TMEM109: variants seen among roughly 807,000 people sequenced by gnomAD.
TMEM109 encodes voltage-gated monoatomic cation channel TMEM109.
Under a neutral mutation model 26.4 loss-of-function variants are expected in TMEM109, and 19 were observed. That is an observed-to-expected ratio of 0.72 (90% confidence interval 0.50 to 1.06). The LOEUF is 1.06. Among genes scored for constraint, TMEM109 ranks in the 50% least tolerant of loss-of-function variants. TMEM109 has a pLI of 0.00. For missense variants in TMEM109, 262 were observed against 303.4 expected, an observed-to-expected ratio of 0.86 and a Z score of 1.01; for synonymous variants, 129 against 142.0, an observed-to-expected ratio of 0.91 and a Z score of 0.65.
chr11:60,920,567 C>T (rs377494120), intron 2 of TMEM109, among the ~76,000 whole-genome samples: 34 of 152,294 alleles, frequency 2.2e-4, no homozygotes, highest in African/African-American at 7.5e-4. Flanking sequence ...TGATTGTCTC[C>T]GTCATTCACA....
At chr11:60,920,835 C>T (rs763710116) in intron 2 of TMEM109, 51 bp from the exon 3 acceptor site, 29 of 1,481,718 alleles carry the variant, frequency 2.0e-5, no homozygotes, top group Admixed American at 6.7e-5. Context: ...GGCGTGAAGG[C>T]GAGGACCGTT....
At position 60,922,045 on chromosome 11, in the gene TMEM109, C is replaced by A; in HGVS notation, c.612C>A (p.Gly204=). The part of the protein sequence containing the change: ...ILYALLSRLT[G]SRASGAQLEA... ...ACGCCCTGCTGAGCCGGCTCACTGG[C>A]TCCCGAGCCTCTGGGGCCCAACTCG... The change falls in exon 4 of 4, where the codon GGC becomes GGA. Residue 204 remains glycine (G), a synonymous_variant. Transcript: ENST00000227525. The A allele has an allele frequency of 6.2e-7, 1 of 1,611,826 alleles. No individual in the cohort carries two copies. The highest frequency in any genetic ancestry group is 8.5e-7 in the Non-Finnish European group (1 of 1,179,868).
At position 60,922,242 on chromosome 11, in the gene TMEM109, C is replaced by T. The variant is rs1440821113; in HGVS notation, c.*77C>T. 5 of 1,548,902 alleles carry T rather than the reference C, an allele frequency of 3.2e-6. No individual in the cohort carries two copies. Among genetic ancestry groups the T allele is most frequent in the Non-Finnish European group, 4.4e-6 (5 of 1,146,954 alleles). ...GGGGCCATGCAGCCCTCCTGCCAGCCCCCTGCCCTTTTCTTGCCCTGTCTC... is the reference window on the plus strand; with the variant it reads ...GGGGCCATGCAGCCCTCCTGCCAGCTCCCTGCCCTTTTCTTGCCCTGTCTC... On this transcript the variant is annotated 3_prime_UTR_variant, in exon 4 of 4. Transcript: ENST00000227525.
Position 60,922,543 on chromosome 11 carries a change from C to A in TMEM109, c.*378C>A. On this transcript the variant is annotated 3_prime_UTR_variant, in exon 4 of 4. Transcript: ENST00000227525. ...CTGCTGCCTTGGCTTCCTCCTAATG[C>A]TCGTGCTCTCCTGTCCTTCTGAAGT... The A allele has an allele frequency of 2.3e-6, 1 of 441,488 alleles. No homozygotes were observed. The highest frequency in any genetic ancestry group is 4.1e-6 in the Non-Finnish European group (1 of 246,040). 27.3% of individuals were successfully genotyped at this position (441,488 alleles called of 1,614,324 possible). A position where few individuals can be genotyped will look rare whatever the true frequency, so the allele number is the denominator to read the frequency against.
chr11:60,918,141 G>A (rs767506047), intron 1 of TMEM109, among the ~76,000 whole-genome samples: 2 of 152,202 alleles, frequency 1.3e-5, no homozygotes, highest in Non-Finnish European at 2.9e-5. Flanking sequence ...TACCCGATGG[G>A]CTGTTGTGAC....
intron 1 of TMEM109, among the ~76,000 whole-genome samples, chr11:60,914,785 C>T (rs1856155043): frequency 6.6e-6 from 1 of 152,392 alleles, no homozygotes; most frequent in East Asian, 1.9e-4. Context: ...GGAAGCTGCC[C>T]CTTTGCCGTC....
chr11:60,917,177 G>T (rs1391813301), intron 1 of TMEM109, among the ~76,000 whole-genome samples: 1 of 152,160 alleles, frequency 6.6e-6, no homozygotes, highest in Non-Finnish European at 1.5e-5. Flanking sequence ...AGTATTTTTA[G>T]AACCCTTTCC....
Position 60,919,706 on chromosome 11 carries a change from A to G in TMEM109, c.13A>G (p.Ser5Gly). Reference protein sequence around the residue: MAASSISSPWGKHVF... With the variant: MAASGISSPWGKHVF... Reference sequence around the variant, plus strand: ...GGCAGACCCAGTCATGGCAGCCTCCAGCATCAGTTCACCATGGGGAAAGCA... The same window carrying G: ...GGCAGACCCAGTCATGGCAGCCTCCGGCATCAGTTCACCATGGGGAAAGCA... The change falls in exon 2 of 4, where the codon AGC becomes GGC. Residue 5 changes from serine (S) to glycine (G), a missense_variant. Physicochemically the swap from Ser to Gly is moderately conservative, Grantham distance 56. Transcript: ENST00000227525. 1.2e-6 allele frequency: 2 copies of G among 1,614,220 alleles called. No individual in the cohort carries two copies. The highest frequency in any genetic ancestry group is 1.7e-6 in the Non-Finnish European group (2 of 1,180,038).
chr11:60,921,968 G>T lies in TMEM109; in HGVS notation c.535G>T (p.Val179Leu). 6.2e-7 allele frequency: 1 copy of T among 1,613,884 alleles called. No individual in the cohort carries two copies. Among genetic ancestry groups the T allele is most frequent in the Non-Finnish European group, 8.5e-7 (1 of 1,179,990 alleles). Residue 179 changes from valine to leucine, a missense_variant, in exon 4 of 4, where the codon GTG becomes TTG. Physicochemically the swap from Val to Leu is conservative, Grantham distance 32. Coordinates refer to ENST00000227525, the MANE Select transcript of TMEM109 (RefSeq NM_024092.3). Reference protein sequence around the residue: ...LAGFVALMRSVPDPSTRALLL... With the variant: ...LAGFVALMRSLPDPSTRALLL... ...CGGCTTCGTGGCCCTGATGAGGTCG[G>T]TGCCTGACCCTTCCACCCGGGCCCT...
At chr11:60,916,474 A>G (rs1414243697) in intron 1 of TMEM109, among the ~76,000 whole-genome samples, 2 of 152,194 alleles carry the variant, frequency 1.3e-5, no homozygotes, top group Non-Finnish European at 2.9e-5. Context: ...GACTGTTTCC[A>G]TGCCTTTAGT....
chr11:60,918,789 G>C (rs567595543), intron 1 of TMEM109: 6 of 152,262 alleles, frequency 3.9e-5, no homozygotes, highest in African/African-American at 1.4e-4. Flanking sequence ...ACCTCCATTG[G>C]GGGTGGGGAG....
intron 1 of TMEM109, among the ~76,000 whole-genome samples, chr11:60,918,218 C>A (rs1370840594): frequency 6.6e-6 from 1 of 152,156 alleles, no homozygotes; most frequent in African/African-American, 2.4e-5. Context: ...AATAGTATTT[C>A]TTTAAAGGTT....
Position 60,922,001 on chromosome 11 carries a change from C to T in TMEM109, c.568C>T (p.Leu190=). 6.2e-7 allele frequency: 1 copy of T among 1,613,318 alleles called. No homozygotes were observed. The highest frequency in any genetic ancestry group is 1.1e-5 in the South Asian group (1 of 91,088). Residue 190 remains leucine (L), a synonymous_variant, in exon 4 of 4, where the codon CTG becomes TTG. Coordinates refer to ENST00000227525, the MANE Select transcript of TMEM109 (RefSeq NM_024092.3). ...PDPSTRALLL[L]ALLILYALLS... is the part of the protein sequence containing the mutation. ...CCCTTCCACCCGGGCCCTGCTACTCCTGGCCTTGCTGATCCTCTACGCCCT... is the reference window on the plus strand; with the variant it reads ...CCCTTCCACCCGGGCCCTGCTACTCTTGGCCTTGCTGATCCTCTACGCCCT...
rs774717321 is a variant in TMEM109 at position 60,919,745 on chromosome 11, A to T, written c.52A>T (p.Ile18Phe). The T allele has an allele frequency of 6.2e-7, 1 of 1,614,202 alleles. No homozygotes were observed. Among genetic ancestry groups the T allele is most frequent in the Non-Finnish European group, 8.5e-7 (1 of 1,180,042 alleles). Reference sequence around the variant, plus strand: ...ATGGGGAAAGCATGTGTTCAAAGCCATTCTGATGGTCCTAGTGGCCCTTAT... The same window carrying T: ...ATGGGGAAAGCATGTGTTCAAAGCCTTTCTGATGGTCCTAGTGGCCCTTAT... The part of the protein sequence containing the change: ...SPWGKHVFKA[I>F]LMVLVALILL... Residue 18 changes from isoleucine (I) to phenylalanine (F), a missense_variant, in exon 2 of 4, where the codon ATT becomes TTT. Coordinates refer to ENST00000227525, the MANE Select transcript of TMEM109 (RefSeq NM_024092.3).
At chr11:60,916,833 C>T (rs1389857159) in intron 1 of TMEM109, among the ~76,000 whole-genome samples, 1 of 152,174 alleles carries the variant, frequency 6.6e-6, no homozygotes, top group African/African-American at 2.4e-5. Context: ...CAGCTTATGG[C>T]ACCCTGACCT....
chr11:60,919,841 C>T lies in TMEM109; in HGVS notation c.148C>T (p.Pro50Ser). The T allele has an allele frequency of 6.2e-7, 1 of 1,614,178 alleles. No individual in the cohort carries two copies. Among genetic ancestry groups the T allele is most frequent in the Non-Finnish European group, 8.5e-7 (1 of 1,180,034 alleles). The change falls in exon 2 of 4, where the codon CCA (proline) becomes TCA (serine). Residue 50 changes from proline (P) to serine (S), a missense_variant. Pro to Ser is a moderately conservative substitution (Grantham distance 74). Transcript: ENST00000227525. ...ACCAGGCCAACAGAAGAGAGAAGCC[C>T]CAGTTGATGTCTTGACCCAGATAGG... ...APPGQQKREA[P>S]VDVLTQIGRS...
chr11:60,918,123 G>A (rs1408960772), intron 1 of TMEM109, among the ~76,000 whole-genome samples: 3 of 152,212 alleles, frequency 2.0e-5, no homozygotes, highest in African/African-American at 7.2e-5. Context: ...GGGGATAATA[G>A]CAACACCTAC....
chr11:60,922,390 C>G lies in TMEM109; in HGVS notation c.*225C>G. 6.5e-7 allele frequency: 1 copy of G among 1,527,630 alleles called. No individual in the cohort carries two copies. The highest frequency in any genetic ancestry group is 2.5e-5 in the East Asian group (1 of 40,506). 94.6% of individuals were successfully genotyped at this position (1,527,630 alleles called of 1,614,324 possible). On this transcript the variant is annotated 3_prime_UTR_variant, in exon 4 of 4. Transcript: ENST00000227525. Reference sequence around the variant, plus strand: ...AGGTTCTCTGTCTGGGGTTGGCTCTCTTAACCCTTTCTCTGCTCCCAGCCT... The same window carrying G: ...AGGTTCTCTGTCTGGGGTTGGCTCTGTTAACCCTTTCTCTGCTCCCAGCCT...
chr11:60,917,583 T>A (rs756751767), intron 1 of TMEM109, among the ~76,000 whole-genome samples: 1 of 152,234 alleles, frequency 6.6e-6, no homozygotes, highest in Non-Finnish European at 1.5e-5. Flanking sequence ...AGCACAAAGT[T>A]GTTAGGTAAT....
Sources: allele counts gnomAD v4.1 joint callset (sites outside exome capture counted in the v4.1 genomes callset), GRCh38; gene constraint gnomAD v4.1.1; transcripts MANE v1.5; gene names NCBI Gene and HGNC (gene_info 2026-07-23, HGNC 2026-07-21).